The following TOX variants were observed in gnomAD, a reference collection of about 807,000 sequenced individuals.
TOX encodes thymocyte selection associated high mobility group box.
A neutral mutation model predicts 53.7 loss-of-function variants in TOX; 11 were observed. The observed-to-expected ratio is 0.20, with a 90% CI of 0.13 to 0.34. TOX has a LOEUF of 0.34. Among genes scored for constraint, TOX ranks in the 10% least tolerant of loss-of-function variants. TOX has a pLI of 1.00. For synonymous variants in TOX, 225 were observed against 245.3 expected, an observed-to-expected ratio of 0.92 and a Z score of 0.77; for missense variants, 570 against 664.6, an observed-to-expected ratio of 0.86 and a Z score of 1.56.
chr8:58,934,337 T>C (rs1222574761), intron 3 of TOX, among the ~76,000 whole-genome samples: 1 of 152,214 alleles, frequency 6.6e-6, no homozygotes, highest in Non-Finnish European at 1.5e-5. Flanking sequence ...TTTCACTCTA[T>C]GTATGCTGCA....
At chr8:59,044,295 CTG>C (rs1303518651) in intron 1 of TOX, among the ~76,000 whole-genome samples, 4 of 150,210 alleles carry the variant, frequency 2.7e-5, no homozygotes, top group Non-Finnish European at 4.4e-5. Flanking sequence ...TCTGCCAAAA[CTG>C]TGAATAATTA....
intron 3 of TOX, among the ~76,000 whole-genome samples, chr8:58,915,683 T>C (rs1812005952): frequency 2.7e-5 from 4 of 150,696 alleles, no homozygotes; most frequent in South Asian, 4.2e-4. Flanking sequence ...TCACCAGCAA[T>C]GGAACAAAGC....
chr8:58,954,889 A>G (rs894857410), intron 2 of TOX, among the ~76,000 whole-genome samples: 1 of 152,212 alleles, frequency 6.6e-6, no homozygotes, highest in African/African-American at 2.4e-5. Context: ...TAAGCCATAA[A>G]GAAAAAAGAG....
chr8:58,835,652 G>C lies in TOX; in HGVS notation c.924+2429C>G, dbSNP rs113417773. ...CATTATTCTTTTCCATCAGAAACAT[G>C]AGAACAGGGATTTATTTTTTAATAT... On this transcript the variant is annotated intron_variant, in intron 5 of 8. Transcript: ENST00000361421. Among the ~76,000 whole-genome samples the C allele has an allele frequency of 3.0e-3, 454 of 152,258 alleles. 4 individuals are homozygous for C. Among genetic ancestry groups the C allele is most frequent in the African/African-American group, 0.01 (433 of 41,550 alleles).
chr8:58,955,593 T>G (rs1015380478), intron 2 of TOX, among the ~76,000 whole-genome samples: 6 of 152,320 alleles, frequency 3.9e-5, no homozygotes, highest in Non-Finnish European at 7.4e-5. Context: ...GATTATTTCT[T>G]GTATTAAAAA....
chr8:59,095,918 A>G (rs1804704920), intron 1 of TOX, among the ~76,000 whole-genome samples: 1 of 152,164 alleles, frequency 6.6e-6, no homozygotes, highest in Admixed American at 6.6e-5. Context: ...CATTTAACAC[A>G]TCCCCATTCT....
At chr8:59,053,193 A>G (rs1054671815) in intron 1 of TOX, among the ~76,000 whole-genome samples, 1 of 152,236 alleles carries the variant, frequency 6.6e-6, no homozygotes, top group African/African-American at 2.4e-5. Context: ...TGACTAAGCC[A>G]TTCGGTATCA....
intron 3 of TOX, among the ~76,000 whole-genome samples, chr8:58,895,278 T>C (rs781741742): frequency 6.6e-6 from 1 of 152,216 alleles, no homozygotes; most frequent in Non-Finnish European, 1.5e-5. Flanking sequence ...ATTTTTAAAG[T>C]AGAGTTAGTC....
chr8:58,985,843 C>T (rs921175154), intron 1 of TOX, among the ~76,000 whole-genome samples: 1 of 152,158 alleles, frequency 6.6e-6, no homozygotes, highest in African/African-American at 2.4e-5. Context: ...ATTCCCTACA[C>T]TTTGGGCTTT....
intron 3 of TOX, among the ~76,000 whole-genome samples, chr8:58,906,374 A>T (rs1423848484): frequency 6.6e-6 from 1 of 152,238 alleles, no homozygotes; most frequent in Non-Finnish European, 1.5e-5. Flanking sequence ...CATTTCTGCA[A>T]ATAGAAAAGG....
chr8:58,900,459 T>A (rs1811717491), intron 3 of TOX, among the ~76,000 whole-genome samples: 1 of 152,162 alleles, frequency 6.6e-6, no homozygotes, highest in Non-Finnish European at 1.5e-5. Flanking sequence ...AAAAAAATCA[T>A]AACTGAATAC....
chr8:59,080,214 C>T (rs977715084), intron 1 of TOX, among the ~76,000 whole-genome samples: 1 of 152,078 alleles, frequency 6.6e-6, no homozygotes, highest in Non-Finnish European at 1.5e-5. Flanking sequence ...AACTCCTGAC[C>T]TCGTGATCCA....
chr8:59,079,639 T>TGGAAAAGCCA (rs2129423080), intron 1 of TOX, among the ~76,000 whole-genome samples: 1 of 152,282 alleles, frequency 6.6e-6, no homozygotes, highest in Non-Finnish European at 1.5e-5. Flanking sequence ...CGAGGATGAA[T>TGGAAAAGCCA]GGAAAAGCCA....
rs138459417 is a variant in TOX, at chr8:58,957,810, A to AT, written c.168+2132dup. Reference sequence around the variant, plus strand: ...TGTTATGTAGGAAAAGGAAAAAACTATTTTTTTTTTCCCTGCAGGATGACT... The same window carrying AT: ...TGTTATGTAGGAAAAGGAAAAAACTATTTTTTTTTTTCCCTGCAGGATGACT... On this transcript the variant is annotated intron_variant, in intron 2 of 8. Transcript: ENST00000361421. Among the ~76,000 whole-genome samples, 1,014 of 149,932 alleles carry AT rather than the reference A, an allele frequency of 6.8e-3. 8 individuals are homozygous for AT. Among genetic ancestry groups the AT allele is most frequent in the African/African-American group, 0.024 (965 of 40,904 alleles).
In TOX at chr8:58,815,542, T is replaced by G; in HGVS notation, c.1188A>C (p.Ile396=). Residue 396 remains isoleucine, a synonymous_variant, in exon 7 of 9, where the codon ATA becomes ATC. Transcript: ENST00000361421. ...TAMHPSLPRN[I]APKPNNQMPV... ...GCATTTGGTTATTCGGCTTGGGGGCTATGTTCCTGGGGAGACTAGGATGCA... is the reference window on the plus strand; with the variant it reads ...GCATTTGGTTATTCGGCTTGGGGGCGATGTTCCTGGGGAGACTAGGATGCA... 6.2e-7 allele frequency: 1 copy of G among 1,614,130 alleles called. No homozygotes were observed. Among genetic ancestry groups the G allele is most frequent in the Non-Finnish European group, 8.5e-7 (1 of 1,180,022 alleles).
chr8:58,882,363 AAAC>A (rs754359668), intron 3 of TOX, among the ~76,000 whole-genome samples: 73 of 152,364 alleles, frequency 4.8e-4, no homozygotes, highest in Admixed American at 2.0e-3. Flanking sequence ...CTGTCACACC[AAAC>A]AACAATAGGA....
In TOX at chr8:58,939,435, T is replaced by A. The variant is rs1287569136; in HGVS notation, c.278A>T (p.Tyr93Phe). 1 of 1,614,008 alleles carries A rather than the reference T, an allele frequency of 6.2e-7. No individual in the cohort carries two copies. The highest frequency in any genetic ancestry group is 8.5e-7 in the Non-Finnish European group (1 of 1,180,018). The change falls in exon 3 of 9, where the codon TAC (tyrosine) becomes TTC (phenylalanine). Residue 93 changes from tyrosine (Y) to phenylalanine (F), a missense_variant. By Grantham distance (22) the Tyr-to-Phe change is conservative (BLOSUM62 3). This residue lies in a region of TOX where 282 missense variants were observed against 315.0 expected (regional missense o/e 0.90). Coordinates refer to ENST00000361421, the MANE Select transcript of TOX (RefSeq NM_014729.3). ...LVHLNEVESG[Y>F]HSLCHPMNHN... Reference sequence around the variant, plus strand: ...GTTCATGGGGTGACACAGAGAATGGTAACCAGACTCAACTTCATTCAGGTG... The same window carrying A: ...GTTCATGGGGTGACACAGAGAATGGAAACCAGACTCAACTTCATTCAGGTG...
chr8:58,996,850 GT>G (rs1314093802), intron 1 of TOX, among the ~76,000 whole-genome samples: 5 of 152,172 alleles, frequency 3.3e-5, no homozygotes, highest in African/African-American at 1.2e-4. Context: ...ATGTCACTGG[GT>G]TTTCTGGAAT....
At chr8:59,063,426 CTTT>C (rs35219789) in intron 1 of TOX, among the ~76,000 whole-genome samples, 7 of 123,786 alleles carry the variant, frequency 5.7e-5, no homozygotes, top group Admixed American at 1.7e-4. Context: ...AGGATATAGA[CTTT>C]TTTTTTTTTT....
Sources: gnomAD v4.1 joint callset for allele counts (sites outside exome capture counted in the v4.1 genomes callset) on GRCh38, gnomAD v4.1.1 for gene constraint, gnomAD v4.1.1 regional missense constraint, MANE v1.5 for transcripts, NCBI Gene and HGNC (gene_info 2026-07-23, HGNC 2026-07-21) for gene names.